The following SEC14L1 variants were observed in gnomAD, a reference collection of about 807,000 sequenced individuals.
The protein encoded by SEC14L1 is SEC14 like lipid binding 1.
A neutral mutation model predicts 85.3 loss-of-function variants in SEC14L1; 48 were observed. That is an observed-to-expected ratio of 0.56 (90% CI 0.45 to 0.72). The LOEUF is 0.72. SEC14L1 is among the 30% of genes least tolerant of loss of function. SEC14L1 has a pLI of 0.00. For missense variants in SEC14L1, 682 were observed against 921.4 expected (o/e 0.74, Z 3.36); for synonymous variants, 391 against 355.5 (o/e 1.10, Z -1.12).
At chr17:77,104,768 G>A (rs1461059838) in intron 3 of SEC14L1, among the ~76,000 whole-genome samples, 3 of 147,102 alleles carry the variant, frequency 2.0e-5, no homozygotes, top group African/African-American at 7.6e-5. Context: ...TCTAGCCTGG[G>A]CAACAGAGTG....
chr17:77,137,558 A>G (rs1430130123), upstream of SEC14L1, among the ~76,000 whole-genome samples: 3 of 152,202 alleles, frequency 2.0e-5, no homozygotes, highest in African/African-American at 7.2e-5. Flanking sequence ...GTGGATTACA[A>G]TTCAACATGA....
intron 2 of SEC14L1, chr17:77,089,376 C>A (rs1329014285): frequency 1.9e-6 from 1 of 518,842 alleles, no homozygotes; most frequent in Non-Finnish European, 3.8e-6. Context: ...ACCAGGCAGC[C>A]CAACCCTGAC....
chr17:77,118,852 C>T (rs1023939234), intron 3 of SEC14L1, among the ~76,000 whole-genome samples: 1 of 152,166 alleles, frequency 6.6e-6, no homozygotes, highest in African/African-American at 2.4e-5. Context: ...TCCCAAGAGG[C>T]TTAGCATGGG....
At chr17:77,111,061 C>T (rs919295298) in intron 3 of SEC14L1, among the ~76,000 whole-genome samples, 3 of 151,568 alleles carry the variant, frequency 2.0e-5, no homozygotes, top group East Asian at 1.9e-4. Flanking sequence ...GGTATGGTGG[C>T]AGGCACCCGT....
chr17:77,213,620 G>A lies in SEC14L1; in HGVS notation c.2042+128G>A. Reference sequence around the variant, plus strand: ...TCAGGAATGCTTGGAGGGCCAGGAGGGAGTGGCTTTGGGGTCATTTGTTGG... The same window carrying A: ...TCAGGAATGCTTGGAGGGCCAGGAGAGAGTGGCTTTGGGGTCATTTGTTGG... On this transcript the variant is annotated intron_variant, in intron 16 of 16. Coordinates refer to ENST00000436233, the MANE Select transcript of SEC14L1 (RefSeq NM_001143998.2). This position sits in a 1 kb window ranked among gnomAD's most constrained non-coding sequence, Gnocchi z 7.1. 1 of 1,186,332 alleles carries A rather than the reference G, an allele frequency of 8.4e-7. No individual in the cohort carries two copies. The highest frequency in any genetic ancestry group is 1.2e-6 in the Non-Finnish European group (1 of 825,236). The allele number at this position is 1,186,332 out of a possible 1,614,324, so 73.5% of individuals were successfully genotyped here. A position where few individuals can be genotyped will look rare whatever the true frequency, so the allele number is the denominator to read the frequency against.
upstream of SEC14L1, among the ~76,000 whole-genome samples, chr17:77,136,703 G>T (rs1972810359): frequency 6.6e-6 from 1 of 152,146 alleles, no homozygotes; most frequent in Admixed American, 6.5e-5. Flanking sequence ...GTCGTTCGGG[G>T]AGCAGGTTTG....
At chr17:77,132,902 G>A (rs147966745) in intron 3 of SEC14L1, among the ~76,000 whole-genome samples, 5 of 143,962 alleles carry the variant, frequency 3.5e-5, no homozygotes, top group Non-Finnish European at 6.0e-5. Flanking sequence ...TCACTCTCTC[G>A]CCCAGGCTGG....
chr17:77,216,473 C>T lies in SEC14L1; in HGVS notation c.*2450C>T. On this transcript the variant is annotated 3_prime_UTR_variant, in exon 17 of 17. Coordinates refer to ENST00000436233, the MANE Select transcript of SEC14L1 (RefSeq NM_001143998.2). ...AGTAGCGCGTCTGTGCTGCTTCCAC[C>T]TGGTGCTTCCTGTTCCCAAATCACA... 1.2e-6 allele frequency: 2 copies of T among 1,611,826 alleles called. No homozygotes were observed. The highest frequency in any genetic ancestry group is 1.1e-5 in the South Asian group (1 of 91,018).
intron 3 of SEC14L1, among the ~76,000 whole-genome samples, chr17:77,180,052 TGTTATGTTATGTTA>T (rs1567913130): frequency 6.1e-5 from 1 of 16,524 alleles, no homozygotes; most frequent in Non-Finnish European, 2.0e-4. Flanking sequence ...TGTTTTGTTA[TGTTATGTTATGTTA>T]TGTTATGTTA....
At chr17:77,089,226 C>A in exon 2 of SEC14L1, 1 of 341,234 alleles carries the variant, frequency 2.9e-6, no homozygotes, top group Non-Finnish European at 5.8e-6. Context: ...TTCTTCCTGC[C>A]CCTCGTTGAT....
chr17:77,197,313 A>G (rs77603074), intron 8 of SEC14L1, among the ~76,000 whole-genome samples: 2 of 152,332 alleles, frequency 1.3e-5, no homozygotes, highest in East Asian at 3.9e-4. Flanking sequence ...TGACACTCGG[A>G]ACACGGCCTT....
chr17:77,097,893 A>G (rs1324867016), intron 3 of SEC14L1, among the ~76,000 whole-genome samples: 1 of 152,162 alleles, frequency 6.6e-6, no homozygotes, highest in Admixed American at 6.5e-5. Flanking sequence ...CAGCAGCCCC[A>G]CTACGGAGGA....
intron 3 of SEC14L1, among the ~76,000 whole-genome samples, chr17:77,152,208 C>T (rs1025372453): frequency 5.3e-5 from 8 of 151,714 alleles, no homozygotes; most frequent in African/African-American, 1.5e-4. Flanking sequence ...TTTTTTTAAA[C>T]CAAAATATTC....
intron 8 of SEC14L1, among the ~76,000 whole-genome samples, chr17:77,198,744 T>G (rs918329482): frequency 2.6e-5 from 4 of 151,966 alleles, no homozygotes; most frequent in Non-Finnish European, 4.4e-5. Context: ...CAGATAATTT[T>G]TGTATTTTTA....
intron 14 of SEC14L1, 37 bp from the exon 15 acceptor site, chr17:77,211,913 C>T (rs375452330): frequency 9.3e-6 from 15 of 1,605,506 alleles, no homozygotes; most frequent in Middle Eastern, 1.9e-4. Flanking sequence ...GCCTGGTGCT[C>T]GTGGATCGTG....
Position 77,213,323 on chromosome 17 carries a change from G to A in SEC14L1, c.1873G>A (p.Val625Met). ...KEGESVQGSH[V>M]TRWPGFYILQ... ...GCCCTACTTGTTCTAGGGTTCCCAT[G>A]TGACCAGGTGGCCGGGCTTCTACAT... Residue 625 changes from valine (V) to methionine (M), a missense_variant, in exon 16 of 17, where the codon GTG (valine) becomes ATG (methionine). Coordinates refer to ENST00000436233, the MANE Select transcript of SEC14L1 (RefSeq NM_001143998.2). The surrounding 1 kb of genome is among the most constrained non-coding windows in gnomAD (Gnocchi z 7.1). 2 of 1,609,184 alleles carry A rather than the reference G, an allele frequency of 1.2e-6. No individual in the cohort carries two copies. The highest frequency in any genetic ancestry group is 1.7e-6 in the Non-Finnish European group (2 of 1,177,738).
intron 3 of SEC14L1, among the ~76,000 whole-genome samples, chr17:77,124,320 T>C (rs924801796): frequency 1.3e-5 from 2 of 152,184 alleles, no homozygotes; most frequent in East Asian, 1.9e-4. Context: ...GCTGTGATCA[T>C]GCCACTGCAT....
At chr17:77,126,300 G>A (rs1268424434) in intron 3 of SEC14L1, among the ~76,000 whole-genome samples, 2 of 152,244 alleles carry the variant, frequency 1.3e-5, no homozygotes, top group Non-Finnish European at 2.9e-5. Context: ...GAAGATCATC[G>A]TGATGCTTGT....
chr17:77,144,485 G>T (rs1043618781), intron 3 of SEC14L1, among the ~76,000 whole-genome samples: 1 of 152,206 alleles, frequency 6.6e-6, no homozygotes, highest in Non-Finnish European at 1.5e-5. Context: ...AAATAGAAAC[G>T]CAGGTGTTTT....
Sources: allele counts gnomAD v4.1 joint callset (sites outside exome capture counted in the v4.1 genomes callset), GRCh38; gene constraint gnomAD v4.1.1; non-coding constraint Gnocchi (gnomAD v3.1); transcripts MANE v1.5; gene names NCBI Gene and HGNC (gene_info 2026-07-23, HGNC 2026-07-21).